GUCY1A2: variants seen among roughly 807,000 people sequenced by gnomAD.
The protein encoded by GUCY1A2 is guanylate cyclase soluble subunit alpha-2.
GUCY1A2 carries 27 observed loss-of-function variants against 63.5 expected under a neutral mutation model. That is an observed-to-expected ratio of 0.43 (90% CI 0.31 to 0.59). The LOEUF (loss-of-function observed/expected upper bound fraction) is 0.59, where lower values mean the gene tolerates loss of function less well. GUCY1A2 is among the 20% of genes least tolerant of loss of function. The pLI, the probability that GUCY1A2 is intolerant of heterozygous loss-of-function variation, is 0.11. For synonymous variants in GUCY1A2, 364 were observed against 343.5 expected (o/e 1.06, Z -0.66); for missense variants, 768 against 913.3 (o/e 0.84, Z 2.05).
Position 106,674,547 on chromosome 11 carries a change from A to C in GUCY1A2, c.*13002T>G, listed in dbSNP as rs1862313942. ...TTAATGGTACAGGTTTAAGAGATGCATTCATTTTTTTAAAAAAACAAAAAA... is the reference window on the plus strand; with the variant it reads ...TTAATGGTACAGGTTTAAGAGATGCCTTCATTTTTTTAAAAAAACAAAAAA... On this transcript the variant is annotated 3_prime_UTR_variant, in exon 8 of 8. Transcript: ENST00000526355. 1 of 181,606 alleles carries C rather than the reference A, an allele frequency of 5.5e-6. No individual in the cohort carries two copies. Among genetic ancestry groups the C allele is most frequent in the Non-Finnish European group, 1.2e-5 (1 of 85,306 alleles). The allele number at this position is 181,606 out of a possible 1,614,324, so 11.2% of individuals were successfully genotyped here.
chr11:106,914,172 G>T (rs770227794), intron 4 of GUCY1A2, among the ~76,000 whole-genome samples: 4 of 151,862 alleles, frequency 2.6e-5, no homozygotes, highest in Non-Finnish European at 5.9e-5. Flanking sequence ...TACTATGGGA[G>T]CATATACTAG....
chr11:106,675,197 T>C lies in GUCY1A2; in HGVS notation c.*12352A>G. 1 of 207,154 alleles carries C rather than the reference T, an allele frequency of 4.8e-6. No individual in the cohort carries two copies. The highest frequency in any genetic ancestry group is 9.9e-6 in the Non-Finnish European group (1 of 101,442). 12.8% of individuals were successfully genotyped at this position (207,154 alleles called of 1,614,324 possible). A position where few individuals can be genotyped will look rare whatever the true frequency, so the allele number is the denominator to read the frequency against. The stretch of plus-strand genomic sequence containing the variant: ...TAATGAGACAGTTTTGTCACTTAAT[T>C]ACCGAAGTTATAATGTAGCTACAGG... On this transcript the variant is annotated 3_prime_UTR_variant, in exon 8 of 8. Coordinates refer to ENST00000526355, the MANE Select transcript of GUCY1A2 (RefSeq NM_000855.3).
At chr11:107,004,406 G>A (rs559849175) in intron 1 of GUCY1A2, among the ~76,000 whole-genome samples, 24 of 152,234 alleles carry the variant, frequency 1.6e-4, no homozygotes, top group African/African-American at 5.3e-4. Context: ...CTCCATAGCA[G>A]TTGCTTAATA....
At chr11:106,773,908 C>A (rs1864304104) in intron 6 of GUCY1A2, among the ~76,000 whole-genome samples, 1 of 151,812 alleles carries the variant, frequency 6.6e-6, no homozygotes, top group African/African-American at 2.4e-5. Context: ...AATTTTTGAC[C>A]TGATAAGTTC....
At chr11:106,699,464 A>C (rs1862779505) in intron 7 of GUCY1A2, among the ~76,000 whole-genome samples, 1 of 152,244 alleles carries the variant, frequency 6.6e-6, no homozygotes. Flanking sequence ...CAGAGTTGCC[A>C]ATCACAGTAT....
At chr11:106,860,831 T>C (rs1859501333) in intron 4 of GUCY1A2, among the ~76,000 whole-genome samples, 1 of 152,032 alleles carries the variant, frequency 6.6e-6, no homozygotes. Context: ...CATCTTCTGT[T>C]GCTGCCACTG....
At chr11:106,985,694 C>T (rs1175695121) in intron 2 of GUCY1A2, among the ~76,000 whole-genome samples, 2 of 152,140 alleles carry the variant, frequency 1.3e-5, no homozygotes, top group African/African-American at 4.8e-5. Context: ...TGTAGTGATT[C>T]TTATCAAACT....
chr11:106,770,090 A>G (rs1864230419), intron 6 of GUCY1A2, among the ~76,000 whole-genome samples: 1 of 152,104 alleles, frequency 6.6e-6, no homozygotes, highest in Non-Finnish European at 1.5e-5. Flanking sequence ...ACTACAAACA[A>G]AATGATATAG....
intron 4 of GUCY1A2, among the ~76,000 whole-genome samples, chr11:106,882,072 C>CTCCT (rs371703480): frequency 0.024 from 3,608 of 151,752 alleles, 127 homozygotes; most frequent in African/African-American, 0.079. Flanking sequence ...TTCTTTTCTT[C>CTCCT]TCCTTCCTTC....
At chr11:106,699,455 A>G (rs1171233770) in intron 7 of GUCY1A2, among the ~76,000 whole-genome samples, 2 of 152,236 alleles carry the variant, frequency 1.3e-5, no homozygotes, top group African/African-American at 4.8e-5. Flanking sequence ...ACATTTAAGC[A>G]GAGTTGCCAA....
intron 4 of GUCY1A2, among the ~76,000 whole-genome samples, chr11:106,849,030 G>T (rs1859316097): frequency 6.6e-6 from 1 of 151,564 alleles, no homozygotes; most frequent in African/African-American, 2.4e-5. Flanking sequence ...TAACTGATGA[G>T]CCCTGTAAGA....
Position 106,675,795 on chromosome 11 carries a change from T to G in GUCY1A2, c.*11754A>C, listed in dbSNP as rs1159543589. On this transcript the variant is annotated 3_prime_UTR_variant, in exon 8 of 8. Transcript: ENST00000526355. ...TTTTCATAGATACCAATTTATATGG[T>G]AGCTGCCTGTTTTTTCACAATTTCA... is the stretch of plus-strand genomic sequence containing the variant. 1 of 190,420 alleles carries G rather than the reference T, an allele frequency of 5.3e-6. No individual in the cohort carries two copies. The highest frequency in any genetic ancestry group is 1.1e-5 in the Non-Finnish European group (1 of 90,768). 11.8% of individuals were successfully genotyped at this position (190,420 alleles called of 1,614,324 possible).
chr11:106,920,027 AGAT>A (rs1860421575), intron 4 of GUCY1A2, among the ~76,000 whole-genome samples: 2 of 150,436 alleles, frequency 1.3e-5, no homozygotes, highest in African/African-American at 4.8e-5. Flanking sequence ...ATTGGGCAAT[AGAT>A]AAACTAGCTA....
At chr11:106,884,346 A>T (rs1224730155) in intron 4 of GUCY1A2, among the ~76,000 whole-genome samples, 1 of 152,184 alleles carries the variant, frequency 6.6e-6, no homozygotes, top group Non-Finnish European at 1.5e-5. Flanking sequence ...ACTTGTAGAC[A>T]ACGTTTGTAT....
intron 4 of GUCY1A2, among the ~76,000 whole-genome samples, chr11:106,905,614 C>G (rs752890034): frequency 6.6e-6 from 1 of 151,980 alleles, no homozygotes. Context: ...GAAAAGAAGC[C>G]CAAATAAGCC....
At chr11:106,901,806 G>A (rs1023735876) in intron 4 of GUCY1A2, among the ~76,000 whole-genome samples, 9 of 152,098 alleles carry the variant, frequency 5.9e-5, no homozygotes, top group South Asian at 4.1e-4. Flanking sequence ...TCCCTACAAC[G>A]GACATGAACT....
At chr11:106,715,792 CTCTGT>C (rs764984943) in intron 6 of GUCY1A2, among the ~76,000 whole-genome samples, 3 of 152,194 alleles carry the variant, frequency 2.0e-5, no homozygotes, top group Non-Finnish European at 2.9e-5. Context: ...TAATCACAGA[CTCTGT>C]TCTAAGTGCT....
At chr11:106,755,968 ATGTG>A (rs1336043513) in intron 6 of GUCY1A2, among the ~76,000 whole-genome samples, 36 of 152,156 alleles carry the variant, frequency 2.4e-4, no homozygotes, top group African/African-American at 7.5e-4. Context: ...CCGATTACTA[ATGTG>A]TGGGAGTCTA....
At chr11:106,690,292 T>G (rs1027948652) in intron 7 of GUCY1A2, among the ~76,000 whole-genome samples, 3 of 152,088 alleles carry the variant, frequency 2.0e-5, no homozygotes, top group Non-Finnish European at 4.4e-5. Context: ...AGTGGTAGAC[T>G]GGATAAAGAA....
Sources: gnomAD v4.1 joint callset for allele counts (sites outside exome capture counted in the v4.1 genomes callset) on GRCh38, gnomAD v4.1.1 for gene constraint, MANE v1.5 for transcripts, NCBI Gene and HGNC (gene_info 2026-07-23, HGNC 2026-07-21) for gene names.